Variants in CRB1 observed in about 807,000 individuals in gnomAD.
CRB1 encodes the protein crumbs cell polarity complex component 1.
A neutral mutation model predicts 120.0 loss-of-function variants in CRB1; 83 were observed. That is an observed-to-expected ratio of 0.69 (90% CI 0.58 to 0.83). CRB1 has a LOEUF of 0.83. Ranked by LOEUF, CRB1 falls within the 40% of genes least tolerant of loss-of-function variation. The pLI is 0.00. For synonymous variants in CRB1, 625 were observed against 612.5 expected, an observed-to-expected ratio of 1.02 and a Z score of -0.30; for missense variants, 1,699 against 1,687.6, an observed-to-expected ratio of 1.01 and a Z score of -0.12.
rs34813822 is a variant in CRB1, at chr1:197,421,133, A to T, written c.1305A>T (p.Gly435=). The T allele has an allele frequency of 2.4e-5, 38 of 1,614,150 alleles. 1 individual carries two copies. The African/African-American group carries it at 4.0e-4, about 17-fold the overall frequency. ...ACCTTTCTAGAACTTTTTATGGAGGAAGGGACTGTTCTGATATTCTCCTGG... is the reference window on the plus strand; with the variant it reads ...ACCTTTCTAGAACTTTTTATGGAGGTAGGGACTGTTCTGATATTCTCCTGG... ...FDNLSRTFYG[G]RDCSDILLGC... is the part of the protein sequence containing the mutation. The change falls in exon 6 of 12, where the codon GGA becomes GGT. Residue 435 remains glycine (G), a synonymous_variant. Transcript: ENST00000367400.
At chr1:197,224,730 TATA>T in the CRB1 span, among the ~76,000 whole-genome samples, 2 of 152,112 alleles carry the variant, frequency 1.3e-5, no homozygotes, top group East Asian at 1.9e-4. Flanking sequence ...CAGTCCTACT[TATA>T]ATATTATTAA....
chr1:197,462,234 C>T (rs542727445), intron 11 of CRB1, among the ~76,000 whole-genome samples: 1 of 152,084 alleles, frequency 6.6e-6, no homozygotes, highest in Non-Finnish European at 1.5e-5. Flanking sequence ...TTATGGATGA[C>T]TGTATTACCA....
chr1:197,297,242 A>G lies in CRB1; in HGVS notation c.70+28760A>G, dbSNP rs377008933. ...ACACTCCTGATATCCATCCCCTTCT[A>G]ATGATTTTCTTCATGTTGATTATCT... On this transcript the variant is annotated intron_variant, in intron 1 of 11. Coordinates refer to ENST00000367400, the MANE Select transcript of CRB1 (RefSeq NM_201253.3). 4.8e-4 allele frequency among the ~76,000 whole-genome samples: 73 copies of G among 151,826 alleles called. 2 individuals carry two copies. The South Asian group carries it at 0.015, about 31-fold the overall frequency.
intron 1 of CRB1, among the ~76,000 whole-genome samples, chr1:197,315,248 A>T (rs1015773865): frequency 6.6e-6 from 1 of 152,162 alleles, no homozygotes; most frequent in Non-Finnish European, 1.5e-5. Flanking sequence ...CTACCCTGTC[A>T]TTCCATCACA....
At chr1:197,203,813 A>C in the CRB1 span, among the ~76,000 whole-genome samples, 1 of 152,204 alleles carries the variant, frequency 6.6e-6, no homozygotes, top group Non-Finnish European at 1.5e-5. Flanking sequence ...TTTTAATTTC[A>C]ATATGTTTAG....
At chr1:197,364,039 T>C (rs1660930506) in intron 5 of CRB1, 4 of 1,375,548 alleles carry the variant, frequency 2.9e-6, no homozygotes, top group African/African-American at 1.4e-5. Flanking sequence ...GATCAACTTC[T>C]TGATGCGAAA....
At chr1:197,445,480 A>G (rs1665658928) in intron 11 of CRB1, among the ~76,000 whole-genome samples, 2 of 152,208 alleles carry the variant, frequency 1.3e-5, no homozygotes, top group South Asian at 4.1e-4. Flanking sequence ...GAACTGTGAT[A>G]AGCCTTTTTA....
intron 5 of CRB1, among the ~76,000 whole-genome samples, chr1:197,413,009 T>C (rs1396777721): frequency 6.6e-6 from 1 of 152,132 alleles, no homozygotes; most frequent in Non-Finnish European, 1.5e-5. Context: ...CCCTCTCAGG[T>C]AACATTTTCA....
At chr1:197,244,718 C>T in the CRB1 span, among the ~76,000 whole-genome samples, 1 of 151,818 alleles carries the variant, frequency 6.6e-6, no homozygotes, top group Non-Finnish European at 1.5e-5. Flanking sequence ...AATTGTGATG[C>T]TTCCAGCCAT....
intron 10 of CRB1, chr1:197,440,031 C>T (rs1344269838): frequency 6.6e-6 from 1 of 152,204 alleles, no homozygotes; most frequent in African/African-American, 2.4e-5. Flanking sequence ...GAGTCACATT[C>T]TGCTTTCTGT....
intron 2 of CRB1, among the ~76,000 whole-genome samples, chr1:197,336,200 G>C (rs1026535893): frequency 6.6e-6 from 1 of 152,162 alleles, no homozygotes; most frequent in African/African-American, 2.4e-5. Flanking sequence ...ATAAGTCTAA[G>C]AGGTATGATG....
chr1:197,343,922 C>A (rs957769989), intron 2 of CRB1, among the ~76,000 whole-genome samples: 1 of 152,218 alleles, frequency 6.6e-6, no homozygotes, highest in Admixed American at 6.5e-5. Flanking sequence ...ACTGTTCTCT[C>A]TGCTCCTTTA....
At chr1:197,461,653 T>C (rs1411063997) in intron 11 of CRB1, among the ~76,000 whole-genome samples, 1 of 152,160 alleles carries the variant, frequency 6.6e-6, no homozygotes, top group African/African-American at 2.4e-5. Flanking sequence ...ACTCATTCCA[T>C]TGATCAGACA....
At chr1:197,429,053 G>T (rs1664740981) in intron 7 of CRB1, 2 of 1,494,764 alleles carry the variant, frequency 1.3e-6, no homozygotes, top group African/African-American at 1.4e-5. Flanking sequence ...TTTCGCTTCT[G>T]TGTAGGATCT....
rs529253190 is a variant in CRB1 at position 197,281,227 on chromosome 1, A to T, written c.70+12745A>T. On this transcript the variant is annotated intron_variant, in intron 1 of 11. Coordinates refer to ENST00000367400, the MANE Select transcript of CRB1 (RefSeq NM_201253.3). ...AGTGCATTTGGGACTTAATAGAAAA[A>T]TGAAGCAGTGGGGAGCGATGTGAGA... Among the ~76,000 whole-genome samples, 12 of 152,012 alleles carry T rather than the reference A, an allele frequency of 7.9e-5. No homozygotes were observed. The South Asian group carries it at 2.5e-3, about 32-fold the overall frequency.
intron 11 of CRB1, chr1:197,477,412 A>G (rs2125573201): frequency 1.9e-6 from 1 of 536,454 alleles, no homozygotes; most frequent in South Asian, 1.8e-5. Flanking sequence ...TGAGATTAAG[A>G]GACTGAGCAA....
At chr1:197,332,068 A>C (rs953175352) in intron 2 of CRB1, among the ~76,000 whole-genome samples, 1 of 152,114 alleles carries the variant, frequency 6.6e-6, no homozygotes, top group Non-Finnish European at 1.5e-5. Flanking sequence ...TGAATTGGGG[A>C]GGCAGAGGTT....
At chr1:197,259,653 C>A in the CRB1 span, among the ~76,000 whole-genome samples, 11 of 152,004 alleles carry the variant, frequency 7.2e-5, no homozygotes, top group Admixed American at 7.2e-4. Context: ...GTGTAACAAA[C>A]CTGCACTTTG....
intron 8 of CRB1, among the ~76,000 whole-genome samples, chr1:197,430,394 T>C (rs1664814931): frequency 6.6e-6 from 1 of 152,198 alleles, no homozygotes; most frequent in African/African-American, 2.4e-5. Context: ...CCAGTATCAA[T>C]TTTTCCATCA....
Sources: allele counts gnomAD v4.1 joint callset (sites outside exome capture counted in the v4.1 genomes callset), GRCh38; gene constraint gnomAD v4.1.1; transcripts MANE v1.5; gene names NCBI Gene and HGNC (gene_info 2026-07-23, HGNC 2026-07-21).